Variants in ADAMTS9 observed in about 807,000 individuals in gnomAD.
The protein encoded by ADAMTS9 is ADAM metallopeptidase with thrombospondin type 1 motif 9.
A neutral mutation model predicts 257.1 loss-of-function variants in ADAMTS9; 107 were observed. The ratio of observed to expected loss-of-function variants is 0.42; its 90% CI spans 0.36 to 0.49. The LOEUF is 0.49. Among genes scored for constraint, ADAMTS9 ranks in the 20% least tolerant of loss-of-function variants. ADAMTS9 has a pLI of 0.03. For missense variants in ADAMTS9, 2,353 were observed against 2,469.1 expected (o/e 0.95, Z 1.00); for synonymous variants, 982 against 880.9 (o/e 1.11, Z -2.03).
At chr3:64,672,573 C>G (rs1701519720) in intron 3 of ADAMTS9, among the ~76,000 whole-genome samples, 1 of 152,132 alleles carries the variant, frequency 6.6e-6, no homozygotes, top group African/African-American at 2.4e-5. Flanking sequence ...ATCTCAGCTA[C>G]TTGGGAGGCT....
chr3:64,679,739 T>C (rs1392958651), intron 3 of ADAMTS9, among the ~76,000 whole-genome samples: 2 of 152,222 alleles, frequency 1.3e-5, no homozygotes, highest in East Asian at 3.8e-4. Flanking sequence ...TTTACATTTA[T>C]ACACATGTCT....
chr3:64,557,489 C>A (rs1436880680), intron 30 of ADAMTS9, among the ~76,000 whole-genome samples: 3 of 152,156 alleles, frequency 2.0e-5, no homozygotes, highest in African/African-American at 7.2e-5. Flanking sequence ...GTGGGTAAAA[C>A]TGACCACTGC....
chr3:64,584,941 T>C (rs1178154406), intron 28 of ADAMTS9, among the ~76,000 whole-genome samples: 1 of 152,166 alleles, frequency 6.6e-6, no homozygotes, highest in Non-Finnish European at 1.5e-5. Context: ...CACTAAATAA[T>C]CCTATGCCTT....
chr3:64,574,911 G>A (rs1049155749), intron 28 of ADAMTS9, among the ~76,000 whole-genome samples: 9 of 152,264 alleles, frequency 5.9e-5, no homozygotes, highest in East Asian at 1.9e-4. Context: ...AGTCTCCCAC[G>A]AAGAGAGTAG....
At chr3:64,561,380 T>G in intron 30 of ADAMTS9, 198 bp downstream of exon 30, 1 of 436,052 alleles carries the variant, frequency 2.3e-6, no homozygotes, top group East Asian at 3.9e-5. Flanking sequence ...CAGACAGACG[T>G]AGGAATTGCT....
chr3:64,524,333 G>C (rs904216125), intron 38 of ADAMTS9, among the ~76,000 whole-genome samples: 7 of 152,132 alleles, frequency 4.6e-5, no homozygotes, highest in Non-Finnish European at 1.0e-4. Flanking sequence ...AGAAAACTCT[G>C]ATAGAATTCT....
intron 16 of ADAMTS9, among the ~76,000 whole-genome samples, chr3:64,627,649 G>C (rs1362176977): frequency 6.6e-6 from 1 of 152,194 alleles, no homozygotes; most frequent in East Asian, 1.9e-4. Flanking sequence ...CTGAAAACAA[G>C]AGCCTAATGC....
chr3:64,568,330 C>A (rs777576116), intron 29 of ADAMTS9, 38 bp downstream of exon 29: 1 of 1,575,618 alleles, frequency 6.3e-7, no homozygotes, highest in Non-Finnish European at 8.6e-7. Context: ...CGTGGCCAAA[C>A]GTAAGGAAGC....
At chr3:64,524,230 C>A (rs2082883721) in intron 38 of ADAMTS9, among the ~76,000 whole-genome samples, 1 of 152,120 alleles carries the variant, frequency 6.6e-6, no homozygotes, top group African/African-American at 2.4e-5. Context: ...ATGTCAAAAT[C>A]CATTTAACTA....
At chr3:64,658,131 C>T (rs1162426119) in intron 4 of ADAMTS9, among the ~76,000 whole-genome samples, 1 of 152,154 alleles carries the variant, frequency 6.6e-6, no homozygotes, top group Non-Finnish European at 1.5e-5. Flanking sequence ...AGGCCACAGG[C>T]AGCGTCCAAG....
chr3:64,639,230 T>G (rs1001704773), intron 12 of ADAMTS9, among the ~76,000 whole-genome samples: 6 of 142,854 alleles, frequency 4.2e-5, no homozygotes, highest in Admixed American at 2.2e-4. Context: ...CATCCTAAAG[T>G]GCAAATAACT....
chr3:64,568,320 C>G (rs771814557), intron 29 of ADAMTS9, 48 bp downstream of exon 29: 1 of 1,565,320 alleles, frequency 6.4e-7, no homozygotes, highest in African/African-American at 1.4e-5. Flanking sequence ...GGGTCAGCCA[C>G]GTGGCCAAAC....
intron 8 of ADAMTS9, among the ~76,000 whole-genome samples, chr3:64,651,618 A>G (rs1356633995): frequency 1.3e-5 from 2 of 152,234 alleles, no homozygotes; most frequent in Non-Finnish European, 2.9e-5. Context: ...TAAGAGGCTC[A>G]CTATGGGTCT....
At position 64,615,363 on chromosome 3, in the gene ADAMTS9, A is replaced by G; in HGVS notation, c.3147T>C (p.Ser1049=). 6.2e-7 allele frequency: 1 copy of G among 1,614,034 alleles called. No individual in the cohort carries two copies. The highest frequency in any genetic ancestry group is 8.5e-7 in the Non-Finnish European group (1 of 1,179,912). ...ATTTCCACTGTGGACAAGGGAACTC[A>G]CTGCACCTCTGAATGGTAACTTTCT... ...HQEKVTIQRC[S]EFPCPQWKSG... The change falls in exon 21 of 40, where the codon AGT becomes AGC. Residue 1049 remains serine (S), a synonymous_variant. Coordinates refer to ENST00000498707, the MANE Select transcript of ADAMTS9 (RefSeq NM_182920.2).
chr3:64,557,014 A>C (rs1423786472), intron 30 of ADAMTS9, among the ~76,000 whole-genome samples: 1 of 152,190 alleles, frequency 6.6e-6, no homozygotes, highest in African/African-American at 2.4e-5. Context: ...TGAGAATTCC[A>C]GGTGTTAACT....
intron 3 of ADAMTS9, among the ~76,000 whole-genome samples, chr3:64,680,125 A>G (rs1701717516): frequency 2.0e-5 from 3 of 152,188 alleles, no homozygotes; most frequent in Admixed American, 2.0e-4. Context: ...TTTAGAAATA[A>G]TAATTCCAGG....
chr3:64,678,784 C>A (rs1030896265), intron 3 of ADAMTS9, among the ~76,000 whole-genome samples: 1 of 152,176 alleles, frequency 6.6e-6, no homozygotes, highest in Non-Finnish European at 1.5e-5. Flanking sequence ...GCTGGTGAAT[C>A]GTGCCATATT....
chr3:64,638,713 C>T (rs566439389), intron 12 of ADAMTS9, among the ~76,000 whole-genome samples: 21 of 152,260 alleles, frequency 1.4e-4, no homozygotes, highest in Non-Finnish European at 2.4e-4. Flanking sequence ...ATGGTCTCTA[C>T]AGCTTGTTCA....
rs1328061439 is a variant in ADAMTS9 at position 64,522,280 on chromosome 3, G to A, written c.5719-20C>T. ...ACCATCCTGCAAGGAGATGCATCAT[G>A]TTAGCCTGCCTGCTTGGTTAATGCT... is the stretch of plus-strand genomic sequence containing the variant. On this transcript the variant is annotated intron_variant, in intron 38 of 39. Coordinates refer to ENST00000498707, the MANE Select transcript of ADAMTS9 (RefSeq NM_182920.2). 1.9e-6 allele frequency: 3 copies of A among 1,610,278 alleles called. No homozygotes were observed. The highest frequency in any genetic ancestry group is 3.3e-5 in the Admixed American group (2 of 59,970).
Sources: allele counts gnomAD v4.1 joint callset (sites outside exome capture counted in the v4.1 genomes callset), GRCh38; gene constraint gnomAD v4.1.1; transcripts MANE v1.5; gene names NCBI Gene and HGNC (gene_info 2026-07-23, HGNC 2026-07-21).